Variants in CCDC152 observed in about 807,000 individuals in gnomAD.
The protein encoded by CCDC152 is coiled-coil domain-containing protein 152.
Under a neutral mutation model 38.1 loss-of-function variants are expected in CCDC152, and 37 were observed. The ratio of observed to expected loss-of-function variants is 0.97; its 90% CI spans 0.75 to 1.28. The LOEUF (loss-of-function observed/expected upper bound fraction) is 1.28, where lower values mean the gene tolerates loss of function less well. CCDC152 is among the 50% of genes most tolerant of loss of function. The probability of loss-of-function intolerance (pLI) is 0.00; values close to 1 mark genes in which losing one functional copy is unlikely to be tolerated. For synonymous variants in CCDC152, 83 were observed against 87.1 expected, an observed-to-expected ratio of 0.95 and a Z score of 0.26; for missense variants, 259 against 292.1, an observed-to-expected ratio of 0.89 and a Z score of 0.83.
intron 3 of CCDC152, among the ~76,000 whole-genome samples, chr5:42,765,381 C>T (rs1351207225): frequency 6.6e-6 from 1 of 152,048 alleles, no homozygotes; most frequent in African/African-American, 2.4e-5. Flanking sequence ...ATCAAAATAC[C>T]AGTGACATTC....
chr5:42,784,384 G>A (rs1265684718), intron 6 of CCDC152, among the ~76,000 whole-genome samples: 2 of 152,060 alleles, frequency 1.3e-5, no homozygotes, highest in Non-Finnish European at 2.9e-5. Flanking sequence ...TTTTTCATAT[G>A]CTTGTCAGCT....
chr5:42,762,947 C>A (rs911657851), intron 3 of CCDC152, among the ~76,000 whole-genome samples: 2 of 152,190 alleles, frequency 1.3e-5, no homozygotes, highest in African/African-American at 4.8e-5. Context: ...AATCTGTACA[C>A]ATATATTGAT....
At chr5:42,780,838 A>G (rs1308983567) in intron 5 of CCDC152, among the ~76,000 whole-genome samples, 3 of 152,226 alleles carry the variant, frequency 2.0e-5, no homozygotes, top group Non-Finnish European at 4.4e-5. Context: ...TTTTATATCA[A>G]GAGTGAAACT....
Position 42,783,573 on chromosome 5 carries a change from A to G in CCDC152, c.427A>G (p.Lys143Glu). The G allele has an allele frequency of 7.4e-7, 1 of 1,352,026 alleles. No individual in the cohort carries two copies. The highest frequency in any genetic ancestry group is 9.6e-7 in the Non-Finnish European group (1 of 1,040,628). The allele number at this position is 1,352,026 out of a possible 1,614,324, so 83.8% of individuals were successfully genotyped here. A position where few individuals can be genotyped will look rare whatever the true frequency, so the allele number is the denominator to read the frequency against. The change falls in exon 6 of 9, where the codon AAA becomes GAA. Residue 143 changes from lysine (K) to glutamate (E), a missense_variant. Lys to Glu is a moderately conservative substitution (Grantham distance 56, BLOSUM62 1). Coordinates refer to ENST00000361970, the MANE Select transcript of CCDC152 (RefSeq NM_001134848.2). ...CAAACTTTATCAGGACATGCAGAGAAAAGGTAAGTTTAAAATAAACTTGCT... is the reference window on the plus strand; with the variant it reads ...CAAACTTTATCAGGACATGCAGAGAGAAGGTAAGTTTAAAATAAACTTGCT... ...ISKLYQDMQRKVELNEEKHKE... is the reference protein window; with the variant it reads ...ISKLYQDMQREVELNEEKHKE...
At chr5:42,794,349 T>C (rs931011620) in intron 6 of CCDC152, among the ~76,000 whole-genome samples, 9 of 152,178 alleles carry the variant, frequency 5.9e-5, no homozygotes, top group African/African-American at 1.4e-4. Context: ...CCCTACGCCA[T>C]TGAGCTTCAA....
At chr5:42,762,673 A>G (rs1340294975) in intron 3 of CCDC152, 125 bp downstream of exon 3, 2 of 641,318 alleles carry the variant, frequency 3.1e-6, no homozygotes, top group Admixed American at 2.9e-5. Context: ...CCAGATTATC[A>G]TCTCATTTAT....
intron 5 of CCDC152, among the ~76,000 whole-genome samples, chr5:42,781,945 G>A (rs1293188961): frequency 3.3e-5 from 5 of 151,860 alleles, no homozygotes; most frequent in Non-Finnish European, 5.9e-5. Flanking sequence ...CCATACCCCC[G>A]GTAAAGTTGT....
chr5:42,790,223 G>A (rs543380825), intron 6 of CCDC152, among the ~76,000 whole-genome samples: 2 of 152,314 alleles, frequency 1.3e-5, no homozygotes, highest in African/African-American at 2.4e-5. Context: ...GTAAATCCCA[G>A]CACTTTGGGA....
At position 42,783,501 on chromosome 5, in the gene CCDC152, G is replaced by T. The variant is rs1282897700; in HGVS notation, c.355G>T (p.Val119Leu). The change falls in exon 6 of 9, where the codon GTA becomes TTA. Residue 119 changes from valine to leucine, a missense_variant. Coordinates refer to ENST00000361970, the MANE Select transcript of CCDC152 (RefSeq NM_001134848.2). ...ATATAAGAATAATATTGCCAAACTT[G>T]TAAGTGAAATGAAAATCAAAGAGGA... is the stretch of plus-strand genomic sequence containing the variant. ...QEYKNNIAKL[V>L]SEMKIKEEGY... is the part of the protein sequence containing the mutation. 5 of 1,368,784 alleles carry T rather than the reference G, an allele frequency of 3.7e-6. 1 individual carries two copies. Among genetic ancestry groups the T allele is most frequent in the Admixed American group, 5.3e-5 (2 of 37,774 alleles). The allele number at this position is 1,368,784 out of a possible 1,614,324, so 84.8% of individuals were successfully genotyped here.
intron 4 of CCDC152, among the ~76,000 whole-genome samples, chr5:42,770,400 C>G (rs1759681130): frequency 1.3e-5 from 2 of 152,092 alleles, no homozygotes; most frequent in African/African-American, 4.8e-5. Flanking sequence ...CACTCATGCT[C>G]CTATTTCAAT....
At chr5:42,768,399 G>C (rs748410699) in intron 3 of CCDC152, among the ~76,000 whole-genome samples, 2 of 152,092 alleles carry the variant, frequency 1.3e-5, no homozygotes, top group Non-Finnish European at 2.9e-5. Context: ...AGTCTCTGCT[G>C]TTGTAGCCCT....
At chr5:42,767,535 C>A (rs1759641471) in intron 3 of CCDC152, among the ~76,000 whole-genome samples, 1 of 152,096 alleles carries the variant, frequency 6.6e-6, no homozygotes. Context: ...AATAGGCCAG[C>A]ATTTTCAACT....
Position 42,796,820 on chromosome 5 carries a change from T to C in CCDC152, c.431-9T>C. ...AACAAATGAATTTTATTTATTTCAT[T>C]TTATTCAGTTGAATTAAATGAAGAA... On this transcript the variant is annotated splice_polypyrimidine_tract_variant and intron_variant, in intron 6 of 8. Coordinates refer to ENST00000361970, the MANE Select transcript of CCDC152 (RefSeq NM_001134848.2). 7.2e-7 allele frequency: 1 copy of C among 1,394,488 alleles called. No homozygotes were observed. Among genetic ancestry groups the C allele is most frequent in the South Asian group, 1.5e-5 (1 of 67,892 alleles). The allele number at this position is 1,394,488 out of a possible 1,614,324, so 86.4% of individuals were successfully genotyped here.
Position 42,783,249 on chromosome 5 carries a change from A to G in CCDC152, c.328-225A>G, listed in dbSNP as rs188160773. ...GGGTCTATCTCAAAGCTGATTATTC[A>G]AACAATGAACAATATTTTTCCTTGT... On this transcript the variant is annotated intron_variant, in intron 5 of 8. Coordinates refer to ENST00000361970, the MANE Select transcript of CCDC152 (RefSeq NM_001134848.2). 3.1e-3 allele frequency among the ~76,000 whole-genome samples: 471 copies of G among 152,252 alleles called. 13 individuals are homozygous for G. Among genetic ancestry groups the G allele is most frequent in the Admixed American group, 0.029 (437 of 15,290 alleles).
chr5:42,767,417 G>T (rs1448664319), intron 3 of CCDC152, among the ~76,000 whole-genome samples: 1 of 151,878 alleles, frequency 6.6e-6, no homozygotes, highest in Non-Finnish European at 1.5e-5. Flanking sequence ...TCATATTTTT[G>T]GTTAATCTTA....
chr5:42,770,585 T>G (rs1206857066), intron 4 of CCDC152, among the ~76,000 whole-genome samples: 1 of 152,168 alleles, frequency 6.6e-6, no homozygotes, highest in East Asian at 1.9e-4. Context: ...GCTCCAGGTT[T>G]GTTCTTTTTA....
intron 6 of CCDC152, among the ~76,000 whole-genome samples, chr5:42,783,796 A>G (rs1198221392): frequency 2.3e-5 from 3 of 132,644 alleles, no homozygotes; most frequent in Non-Finnish European, 4.6e-5. Context: ...TCTTTATGTC[A>G]ATGACTACCC....
At chr5:42,768,223 CAT>C (rs1309323092) in intron 3 of CCDC152, among the ~76,000 whole-genome samples, 1 of 152,168 alleles carries the variant, frequency 6.6e-6, no homozygotes, top group African/African-American at 2.4e-5. Flanking sequence ...GTCGACAAAA[CAT>C]ATGTTATTTT....
At chr5:42,779,156 C>A (rs923701285) in intron 4 of CCDC152, among the ~76,000 whole-genome samples, 4 of 152,132 alleles carry the variant, frequency 2.6e-5, no homozygotes, top group Non-Finnish European at 4.4e-5. Context: ...CTTCAAGCTG[C>A]CCTAGGTTTT....
Sources: gnomAD v4.1 joint callset for allele counts (sites outside exome capture counted in the v4.1 genomes callset) on GRCh38, gnomAD v4.1.1 for gene constraint, MANE v1.5 for transcripts, NCBI Gene and HGNC (gene_info 2026-07-23, HGNC 2026-07-21) for gene names.